ALDH1L1: variants seen among roughly 807,000 people sequenced by gnomAD.
ALDH1L1 encodes the protein cytosolic 10-formyltetrahydrofolate dehydrogenase.
ALDH1L1 carries 68 observed loss-of-function variants against 101.1 expected under a neutral mutation model. The ratio of observed to expected loss-of-function variants is 0.67; its 90% CI spans 0.55 to 0.82. The LOEUF (loss-of-function observed/expected upper bound fraction) is 0.82, where lower values mean the gene tolerates loss of function less well. Ranked by LOEUF, ALDH1L1 falls within the 40% of genes least tolerant of loss-of-function variation. The pLI, the probability that ALDH1L1 is intolerant of heterozygous loss-of-function variation, is 0.00. For missense variants in ALDH1L1, 1,087 were observed against 1,172.7 expected, an observed-to-expected ratio of 0.93 and a Z score of 1.07; for synonymous variants, 486 against 470.8, an observed-to-expected ratio of 1.03 and a Z score of -0.42.
At chr3:126,170,548 C>T (rs2081253482) in intron 1 of ALDH1L1, among the ~76,000 whole-genome samples, 1 of 151,928 alleles carries the variant, frequency 6.6e-6, no homozygotes, top group Non-Finnish European at 1.5e-5. Context: ...AATTTTTAAC[C>T]GACAGAATCA....
intron 16 of ALDH1L1, among the ~76,000 whole-genome samples, chr3:126,121,125 C>T (rs553948214): frequency 3.4e-4 from 52 of 152,154 alleles, no homozygotes; most frequent in Non-Finnish European, 6.0e-4. Flanking sequence ...CAGGGAAATG[C>T]CGTGTCAAGA....
intron 1 of ALDH1L1, among the ~76,000 whole-genome samples, chr3:126,188,934 G>A (rs1203171525): frequency 6.6e-6 from 1 of 152,042 alleles, no homozygotes; most frequent in Non-Finnish European, 1.5e-5. Context: ...TAACCAAATA[G>A]CCTGTTTGTT....
chr3:126,193,442 T>A (rs904817674), intron 1 of ALDH1L1, among the ~76,000 whole-genome samples: 26 of 152,298 alleles, frequency 1.7e-4, no homozygotes, highest in African/African-American at 5.8e-4. Flanking sequence ...TATAATTTTG[T>A]TTTTTTAAAA....
chr3:126,105,832 G>A lies in ALDH1L1; in HGVS notation c.2547C>T (p.Val849=), dbSNP rs1269138293. Residue 849 remains valine (V), a synonymous_variant, in exon 22 of 23, where the codon GTC becomes GTT. Coordinates refer to ENST00000393434, the MANE Select transcript of ALDH1L1 (RefSeq NM_012190.4). ...CAGTGCCTGCCTGGAGCTTGTCACT[G>A]ACATACAGGGCCTTGTTGATGTCCC... The part of the protein sequence containing the change: ...FTRDINKALY[V]SDKLQAGTVF... 6.2e-7 allele frequency: 1 copy of A among 1,614,212 alleles called. No homozygotes were observed. The highest frequency in any genetic ancestry group is 1.1e-5 in the South Asian group (1 of 91,088).
intron 9 of ALDH1L1, among the ~76,000 whole-genome samples, chr3:126,138,993 T>C (rs889262294): frequency 5.3e-5 from 8 of 152,240 alleles, no homozygotes; most frequent in Non-Finnish European, 1.5e-5. Context: ...CATAAGATAT[T>C]GGCTGTCACC....
chr3:126,186,799 T>C (rs2081521449), intron 1 of ALDH1L1, among the ~76,000 whole-genome samples: 1 of 152,158 alleles, frequency 6.6e-6, no homozygotes, highest in Non-Finnish European at 1.5e-5. Context: ...TGAGTGGCAC[T>C]GTCCAGTCAG....
At chr3:126,116,408 G>A (rs2079973013) in intron 17 of ALDH1L1, among the ~76,000 whole-genome samples, 1 of 151,956 alleles carries the variant, frequency 6.6e-6, no homozygotes, top group African/African-American at 2.4e-5. Context: ...GTTATAGCAT[G>A]AACTACATAT....
intron 9 of ALDH1L1, among the ~76,000 whole-genome samples, chr3:126,140,328 CAG>C (rs1011676297): frequency 4.0e-4 from 61 of 152,190 alleles, no homozygotes; most frequent in African/African-American, 1.4e-3. Context: ...AAGAATGAAA[CAG>C]AAATTAAGAT....
chr3:126,103,885 AG>A (rs1945764601), intron 22 of ALDH1L1, 39 bp from the exon 23 acceptor site: 1 of 1,605,980 alleles, frequency 6.2e-7, no homozygotes, highest in South Asian at 1.1e-5. Context: ...CTCCCACCAC[AG>A]GCAGGGCACT....
At chr3:126,174,434 C>T (rs561679285) in intron 1 of ALDH1L1, among the ~76,000 whole-genome samples, 3 of 152,178 alleles carry the variant, frequency 2.0e-5, no homozygotes, top group Non-Finnish European at 2.9e-5. Flanking sequence ...GAATACTTCA[C>T]CCAACAACAA....
chr3:126,107,607 C>A (rs2108169906), intron 20 of ALDH1L1, among the ~76,000 whole-genome samples: 1 of 152,358 alleles, frequency 6.6e-6, no homozygotes, highest in South Asian at 2.1e-4. Context: ...CACCTAGATT[C>A]TTTGGCAGGT....
intron 20 of ALDH1L1, among the ~76,000 whole-genome samples, chr3:126,108,608 C>T (rs900671830): frequency 1.3e-5 from 2 of 152,192 alleles, no homozygotes; most frequent in African/African-American, 2.4e-5. Flanking sequence ...GCAATGGTCA[C>T]GAGAGCTCTG....
upstream of ALDH1L1, chr3:126,181,005 C>G (rs1328282093): frequency 1.1e-5 from 17 of 1,606,554 alleles, no homozygotes; most frequent in East Asian, 3.8e-4. Flanking sequence ...GAGACGCTGC[C>G]CTCCGGGAAT....
At chr3:126,144,246 T>C (rs920407895) in intron 9 of ALDH1L1, among the ~76,000 whole-genome samples, 3 of 152,374 alleles carry the variant, frequency 2.0e-5, no homozygotes, top group South Asian at 4.1e-4. Flanking sequence ...TCTGTGTTCA[T>C]GGACTGGAGA....
At chr3:126,130,579 T>A (rs1460852885) in intron 13 of ALDH1L1, among the ~76,000 whole-genome samples, 2 of 152,054 alleles carry the variant, frequency 1.3e-5, no homozygotes, top group Admixed American at 6.5e-5. Flanking sequence ...GGGCCGGGTG[T>A]CCCCCTCCCC....
intron 9 of ALDH1L1, among the ~76,000 whole-genome samples, chr3:126,142,495 C>A (rs1314164490): frequency 6.6e-6 from 1 of 152,124 alleles, no homozygotes; most frequent in Non-Finnish European, 1.5e-5. Context: ...ATATTACATA[C>A]CATGACCAAG....
intron 14 of ALDH1L1, among the ~76,000 whole-genome samples, chr3:126,128,004 C>G (rs763223400): frequency 6.6e-6 from 1 of 152,042 alleles, no homozygotes; most frequent in Non-Finnish European, 1.5e-5. Context: ...AGGTGGGACA[C>G]AGGTGCAAGT....
chr3:126,181,860 C>T (rs1559983117), upstream of ALDH1L1, among the ~76,000 whole-genome samples: 1 of 152,240 alleles, frequency 6.6e-6, no homozygotes, highest in Non-Finnish European at 1.5e-5. Flanking sequence ...TGGCCTGTGC[C>T]TGCTGATCCA....
At chr3:126,172,880 G>A (rs1444539873) in intron 1 of ALDH1L1, among the ~76,000 whole-genome samples, 1 of 151,966 alleles carries the variant, frequency 6.6e-6, no homozygotes, top group Non-Finnish European at 1.5e-5. Context: ...ACCTATAGAG[G>A]GAGAGAGATG....
Sources: allele counts gnomAD v4.1 joint callset (sites outside exome capture counted in the v4.1 genomes callset), GRCh38; gene constraint gnomAD v4.1.1; transcripts MANE v1.5; gene names NCBI Gene and HGNC (gene_info 2026-07-23, HGNC 2026-07-21).